The following HAL variants were observed in gnomAD, a reference collection of about 807,000 sequenced individuals.
HAL encodes histidase.
Under a neutral mutation model 81.1 loss-of-function variants are expected in HAL, and 85 were observed. The ratio of observed to expected loss-of-function variants is 1.05; its 90% confidence interval spans 0.88 to 1.25. The LOEUF is 1.25. Among genes scored for constraint, HAL ranks in the 50% most tolerant of loss-of-function variants. The pLI is 0.00. For missense variants in HAL, 798 were observed against 836.6 expected (o/e 0.95, Z 0.57); for synonymous variants, 301 against 309.2 (o/e 0.97, Z 0.28).
intron 20 of HAL, among the ~76,000 whole-genome samples, chr12:95,974,671 T>C (rs368881472): frequency 3.3e-5 from 5 of 152,294 alleles, no homozygotes; most frequent in Non-Finnish European, 7.4e-5. Context: ...GAATTCAGTG[T>C]GGATAGAGTG....
In HAL at chr12:95,974,178, T is replaced by C. The variant is rs1303974665; in HGVS notation, c.*54A>G. 3.9e-6 allele frequency: 6 copies of C among 1,522,462 alleles called. No individual in the cohort carries two copies. Among genetic ancestry groups the C allele is most frequent in the African/African-American group, 1.4e-5 (1 of 73,120 alleles). 94.3% of individuals were successfully genotyped at this position (1,522,462 alleles called of 1,614,324 possible). A position where few individuals can be genotyped will look rare whatever the true frequency, so the allele number is the denominator to read the frequency against. ...CTCAGGTCTCTCCTTCAGCCTAGTA[T>C]TGCTTTGTGCTAAACTGACTGCCCT... On this transcript the variant is annotated 3_prime_UTR_variant, in exon 21 of 21. Coordinates refer to ENST00000261208, the MANE Select transcript of HAL (RefSeq NM_002108.4).
rs1485840698 is a variant in HAL at position 95,993,442 on chromosome 12, T to C, written c.589+9A>G. On this transcript the variant is annotated intron_variant, in intron 8 of 20. Transcript: ENST00000261208. ...CAAGATCCAGGAGGCACCCAACGTT[T>C]TGACTTACCTGAAGAATGTGAGCGT... 3.2e-6 allele frequency: 5 copies of C among 1,585,512 alleles called. No homozygotes were observed. Among genetic ancestry groups the C allele is most frequent in the Non-Finnish European group, 4.3e-6 (5 of 1,153,762 alleles).
chr12:95,987,872 C>T (rs191821957), intron 11 of HAL, among the ~76,000 whole-genome samples: 1 of 118,694 alleles, frequency 8.4e-6, no homozygotes, highest in East Asian at 2.9e-4. Context: ...CCATGCCTGG[C>T]TAATTTTTGT....
intron 9 of HAL, among the ~76,000 whole-genome samples, chr12:95,990,874 C>T (rs911718739): frequency 2.6e-5 from 4 of 152,174 alleles, no homozygotes; most frequent in Non-Finnish European, 2.9e-5. Context: ...CTTTGGGAGG[C>T]CGAGGCGGGC....
Position 95,991,569 on chromosome 12 carries a change from C to G in HAL, c.716-1037G>C, listed in dbSNP as rs78633211. Among the ~76,000 whole-genome samples, 72 of 152,202 alleles carry G rather than the reference C, an allele frequency of 4.7e-4. No individual in the cohort carries two copies. The East Asian group carries it at 0.013, about 28-fold the overall frequency. ...TTTCTAAGAAATTCCCAAAAAGTTACCAAAAAAGAGGCTTCATTTTTCTGA... is the reference window on the plus strand; with the variant it reads ...TTTCTAAGAAATTCCCAAAAAGTTAGCAAAAAAGAGGCTTCATTTTTCTGA... On this transcript the variant is annotated intron_variant, in intron 9 of 20. Transcript: ENST00000261208.
At position 95,986,281 on chromosome 12, in the gene HAL, C is replaced by T; in HGVS notation, c.1052-121G>A. On this transcript the variant is annotated intron_variant, in intron 12 of 20. Transcript: ENST00000261208. Reference sequence around the variant, plus strand: ...CTCCTGGGCTCTAGCGATCCTCCTACCTTGGCCTCCCAAAGTGCTGGGATT... The same window carrying T: ...CTCCTGGGCTCTAGCGATCCTCCTATCTTGGCCTCCCAAAGTGCTGGGATT... 1.7e-5 allele frequency: 12 copies of T among 697,492 alleles called. 1 individual carries two copies. The South Asian group carries it at 1.8e-4, about 10-fold the overall frequency. 43.2% of individuals were successfully genotyped at this position (697,492 alleles called of 1,614,324 possible).
chr12:95,978,202 C>A (rs2080747338), intron 17 of HAL, 124 bp from the exon 18 acceptor site: 1 of 782,260 alleles, frequency 1.3e-6, no homozygotes, highest in Non-Finnish European at 2.2e-6. Flanking sequence ...GGACATTATC[C>A]AAGCACCTGA....
intron 8 of HAL, 83 bp from the exon 9 acceptor site, chr12:95,992,888 T>G: frequency 8.5e-7 from 1 of 1,182,136 alleles, no homozygotes. Flanking sequence ...CCTCCAATCT[T>G]TCCCATATGT....
Position 95,986,168 on chromosome 12 carries a change from T to C in HAL, c.1052-8A>G. ...GTCGAAGAGCATGAATGTCTAGAAT[T>C]GATGAAGGAGAAAAAGTCTGAATAA... On this transcript the variant is annotated splice_region_variant and splice_polypyrimidine_tract_variant and intron_variant, in intron 12 of 20. Coordinates refer to ENST00000261208, the MANE Select transcript of HAL (RefSeq NM_002108.4). 2 of 1,508,380 alleles carry C rather than the reference T, an allele frequency of 1.3e-6. No homozygotes were observed. Among genetic ancestry groups the C allele is most frequent in the Non-Finnish European group, 1.8e-6 (2 of 1,083,468 alleles). 93.4% of individuals were successfully genotyped at this position (1,508,380 alleles called of 1,614,324 possible).
In HAL at chr12:95,989,711, C is replaced by T. The variant is rs549708002; in HGVS notation, c.855+682G>A. The T allele has an allele frequency of 1.7e-4, 27 of 155,672 alleles. 1 individual carries two copies. In the South Asian group the frequency reaches 3.1e-3, roughly 18 times the overall value. The allele number at this position is 155,672 out of a possible 1,614,324, so 9.6% of individuals were successfully genotyped here. ...CTGTATGAGGGTGGTCGGAGGAAAA[C>T]GCTGTCCATAGTGAAATAATCAAAG... On this transcript the variant is annotated intron_variant, in intron 10 of 20. Transcript: ENST00000261208.
intron 20 of HAL, chr12:95,976,089 G>A (rs1346163067): frequency 2.7e-6 from 1 of 373,042 alleles, no homozygotes; most frequent in Non-Finnish European, 5.2e-6. Flanking sequence ...TCACCCAGAA[G>A]GGAACGCACT....
chr12:95,976,723 C>A lies in HAL; in HGVS notation c.1655-17G>T. 6.6e-7 allele frequency: 1 copy of A among 1,508,992 alleles called. No homozygotes were observed. Among genetic ancestry groups the A allele is most frequent in the Non-Finnish European group, 9.2e-7 (1 of 1,084,704 alleles). 93.5% of individuals were successfully genotyped at this position (1,508,992 alleles called of 1,614,324 possible). A position where few individuals can be genotyped will look rare whatever the true frequency, so the allele number is the denominator to read the frequency against. ...TGGCCAGCACTGAAACAAGAAATTC[C>A]AAGAGGGTAGCTTATGAAAGTCTGA... On this transcript the variant is annotated splice_polypyrimidine_tract_variant and intron_variant, in intron 18 of 20. Transcript: ENST00000261208.
chr12:95,987,735 G>A (rs1036520352), intron 11 of HAL, among the ~76,000 whole-genome samples: 1 of 152,198 alleles, frequency 6.6e-6, no homozygotes, highest in East Asian at 1.9e-4. Context: ...TTGAGACAGG[G>A]TCTTACTGTG....
intron 4 of HAL, 92 bp downstream of exon 4, chr12:95,994,706 A>T: frequency 8.1e-7 from 1 of 1,233,652 alleles, no homozygotes; most frequent in South Asian, 1.2e-5. Context: ...GTTCTAATTG[A>T]CAGTGTTTTC....
chr12:95,995,172 A>G, intron 2 of HAL, 179 bp from the exon 3 acceptor site: 2 of 664,302 alleles, frequency 3.0e-6, no homozygotes, highest in Non-Finnish European at 5.5e-6. Context: ...CAAAAAGCAG[A>G]AAGGTAGGTG....
intron 2 of HAL, 160 bp from the exon 3 acceptor site, chr12:95,995,153 G>A: frequency 2.9e-6 from 2 of 686,794 alleles, no homozygotes; most frequent in Admixed American, 2.1e-5. Flanking sequence ...TCTTTATGTA[G>A]GAGGAGAGCA....
Position 95,995,863 on chromosome 12 carries a change from G to C in HAL, c.48C>G (p.Pro16=). 6.2e-7 allele frequency: 1 copy of C among 1,608,890 alleles called. No homozygotes were observed. Among genetic ancestry groups the C allele is most frequent in the South Asian group, 1.1e-5 (1 of 91,084 alleles). The change falls in exon 2 of 21, where the codon CCC becomes CCG. Residue 16 remains proline, a synonymous_variant. Transcript: ENST00000261208. ...VHVRGEWLAV[P]CQDAQLTVGW... ...CCACAGTGAGCTGCGCGTCCTGGCA[G>C]GGCACTGCCAGCCATTCCCCACGTA...
chr12:95,987,610 G>C (rs1019445267), intron 11 of HAL, among the ~76,000 whole-genome samples: 1 of 152,192 alleles, frequency 6.6e-6, no homozygotes, highest in Non-Finnish European at 1.5e-5. Flanking sequence ...AGCATTCTAA[G>C]GAATTTGGGC....
intron 20 of HAL, among the ~76,000 whole-genome samples, chr12:95,975,119 C>G (rs2080700292): frequency 6.6e-6 from 1 of 152,236 alleles, no homozygotes; most frequent in Admixed American, 6.5e-5. Context: ...TATTTCCATG[C>G]CACAGGTGCT....
Sources: gnomAD v4.1 joint callset for allele counts (sites outside exome capture counted in the v4.1 genomes callset) on GRCh38, gnomAD v4.1.1 for gene constraint, MANE v1.5 for transcripts, NCBI Gene and HGNC (gene_info 2026-07-23, HGNC 2026-07-21) for gene names.